Variants in CDK12 observed in about 807,000 individuals in gnomAD.
CDK12 encodes cyclin dependent kinase 12, also known as cyclin-dependent kinase 12.
CDK12 carries 17 observed loss-of-function variants against 133.8 expected under a neutral mutation model. The observed-to-expected ratio is 0.13, with a 90% CI of 0.09 to 0.19. CDK12 has a LOEUF of 0.19. CDK12 is among the 10% of genes least tolerant of loss of function. The pLI, the probability that CDK12 is intolerant of heterozygous loss-of-function variation, is 1.00. For missense variants in CDK12, 1,508 were observed against 1,818.7 expected, an observed-to-expected ratio of 0.83 and a Z score of 3.11; for synonymous variants, 694 against 683.6, an observed-to-expected ratio of 1.02 and a Z score of -0.24.
At chr17:39,521,472 G>A (rs1598158039) in intron 11 of CDK12, among the ~76,000 whole-genome samples, 2 of 151,144 alleles carry the variant, frequency 1.3e-5, no homozygotes, top group Middle Eastern at 3.3e-3. Flanking sequence ...CACGTTGGCC[G>A]GGCTGATCTT....
At chr17:39,497,694 C>G (rs2052236121) in intron 5 of CDK12, among the ~76,000 whole-genome samples, 1 of 152,048 alleles carries the variant, frequency 6.6e-6, no homozygotes, top group South Asian at 2.1e-4. Context: ...TCCTCAACCT[C>G]CAGGCTCAAG....
chr17:39,555,611 G>A (rs555533359), intron 2 of CDK12, among the ~76,000 whole-genome samples: 3 of 151,974 alleles, frequency 2.0e-5, no homozygotes, highest in Admixed American at 2.0e-4. Context: ...CCTGGCCCTG[G>A]GTATAGAAGT....
rs140413718 is a variant in CDK12, at chr17:39,461,532, GGA to G, written c.-534_-533del. 1 of 244,048 alleles carries G rather than the reference GGA, an allele frequency of 4.1e-6. No homozygotes were observed. The highest frequency in any genetic ancestry group is 2.2e-5 in the African/African-American group (1 of 45,418). The allele number at this position is 244,048 out of a possible 1,614,324, so 15.1% of individuals were successfully genotyped here. On this transcript the variant is annotated 5_prime_UTR_variant, in exon 1 of 14. Coordinates refer to ENST00000447079, the MANE Select transcript of CDK12 (RefSeq NM_016507.4). ...TAGTGTGTGACTGGGTCTGTGTGAG[GGA>G]GAGAGTGTGTGTGGTGTGGAGGTGA...
exon 1 of CDK12, chr17:39,550,216 G>C (rs1418600639): frequency 6.6e-6 from 1 of 152,204 alleles, no homozygotes; most frequent in Non-Finnish European, 1.5e-5. Context: ...ACAGGGGAGG[G>C]ATTGGGTAAG....
intron 1 of CDK12, 98 bp downstream of exon 1, chr17:39,463,215 C>T (rs937281650): frequency 9.7e-7 from 1 of 1,032,846 alleles, no homozygotes; most frequent in Non-Finnish European, 1.5e-6. Flanking sequence ...CAGTGTTCAT[C>T]ATTGACTAGA....
At chr17:39,492,627 T>G (rs915145824) in intron 3 of CDK12, 124 bp from the exon 4 acceptor site, 2 of 634,866 alleles carry the variant, frequency 3.2e-6, no homozygotes, top group African/African-American at 3.7e-5. Flanking sequence ...GCCAGGATAG[T>G]CTCGATCTCC....
In CDK12 at chr17:39,507,258, T is replaced by TC. The variant is rs2053193739; in HGVS notation, c.2610-2447_2610-2446insC. Among the ~76,000 whole-genome samples, 5 of 151,606 alleles carry TC rather than the reference T, an allele frequency of 3.3e-5. No homozygotes were observed. The South Asian group carries it at 6.3e-4, about 19-fold the overall frequency. On this transcript the variant is annotated intron_variant, in intron 6 of 13. Coordinates refer to ENST00000447079, the MANE Select transcript of CDK12 (RefSeq NM_016507.4). ...CACACTTCATACTGAGTCACCTTAA[T>TC]GGTTTAGTTGGAAGGAAAAGTGGGA...
chr17:39,518,794 A>T (rs966038305), intron 10 of CDK12, among the ~76,000 whole-genome samples: 2 of 148,480 alleles, frequency 1.3e-5, no homozygotes, highest in African/African-American at 5.0e-5. Context: ...CCTGACCTCA[A>T]GTGATCTGCC....
chr17:39,479,696 G>A (rs930363182), intron 2 of CDK12, among the ~76,000 whole-genome samples: 3 of 150,746 alleles, frequency 2.0e-5, no homozygotes, highest in East Asian at 3.9e-4. Flanking sequence ...GCATGATCTC[G>A]GCTCACTGTA....
rs2055011459 is a variant in CDK12, at chr17:39,533,959, G to C, written c.*2643G>C. The C allele has an allele frequency of 8.6e-6, 2 of 232,226 alleles. No individual in the cohort carries two copies. Among genetic ancestry groups the C allele is most frequent in the Non-Finnish European group, 1.7e-5 (2 of 117,428 alleles). 14.4% of individuals were successfully genotyped at this position (232,226 alleles called of 1,614,324 possible). The stretch of plus-strand genomic sequence containing the variant: ...CAGACCCAATTAATTCCATTCAAAA[G>C]TGGTTTTCGTTTTGTTTTAATTATT... On this transcript the variant is annotated 3_prime_UTR_variant, in exon 14 of 14. Coordinates refer to ENST00000447079, the MANE Select transcript of CDK12 (RefSeq NM_016507.4).
intron 9 of CDK12, among the ~76,000 whole-genome samples, chr17:39,516,333 G>A (rs1488350841): frequency 6.6e-6 from 1 of 151,948 alleles, no homozygotes; most frequent in African/African-American, 2.4e-5. Flanking sequence ...TAAAATTAAA[G>A]GGAAGAATAT....
At chr17:39,478,924 TATATCCATGTACCAGCTGCTCC>T (rs1355031510) in intron 2 of CDK12, among the ~76,000 whole-genome samples, 8 of 152,296 alleles carry the variant, frequency 5.3e-5, no homozygotes, top group Admixed American at 6.6e-5. Context: ...TGTGTGCTGC[TATATCCATGTACCAGCTGCTCC>T]ATATCCATGT....
chr17:39,498,764 A>G (rs1270830435), intron 5 of CDK12, among the ~76,000 whole-genome samples: 1 of 151,780 alleles, frequency 6.6e-6, no homozygotes, highest in Admixed American at 6.6e-5. Context: ...AGCTCAGGCA[A>G]TCCTCTCACC....
rs943538148 is a variant in CDK12, at chr17:39,534,476, A to C, written c.*3160A>C. On this transcript the variant is annotated 3_prime_UTR_variant, in exon 14 of 14. Coordinates refer to ENST00000447079, the MANE Select transcript of CDK12 (RefSeq NM_016507.4). ...TGTACAGATATTTTGTAATATATTA[A>C]ATTTTTTTCTTTCAGTTTATAAAAA... The C allele has an allele frequency of 8.6e-6, 2 of 232,404 alleles. No homozygotes were observed. The highest frequency in any genetic ancestry group is 1.8e-4 in the South Asian group (1 of 5,512). The allele number at this position is 232,404 out of a possible 1,614,324, so 14.4% of individuals were successfully genotyped here.
intron 13 of CDK12, chr17:39,530,137 A>G (rs141576284): frequency 3.8e-4 from 59 of 154,712 alleles, no homozygotes; most frequent in Admixed American, 1.3e-3. Flanking sequence ...GTCATCAAAC[A>G]TTCTGTAAAA....
chr17:39,523,560 T>C (rs907744214), intron 11 of CDK12, among the ~76,000 whole-genome samples: 55 of 152,342 alleles, frequency 3.6e-4, no homozygotes, highest in African/African-American at 1.2e-3. Flanking sequence ...TGGAGGTCAT[T>C]TTCTTAAGAA....
At chr17:39,528,042 A>G (rs2054598073) in intron 13 of CDK12, among the ~76,000 whole-genome samples, 1 of 150,492 alleles carries the variant, frequency 6.6e-6, no homozygotes, top group African/African-American at 2.4e-5. Context: ...CAGCCTCCCA[A>G]GTAGCTGGGA....
chr17:39,526,112 C>G lies in CDK12; in HGVS notation c.3556C>G (p.Pro1186Ala). 1.2e-6 allele frequency: 2 copies of G among 1,614,184 alleles called. No individual in the cohort carries two copies. Among genetic ancestry groups the G allele is most frequent in the Non-Finnish European group, 1.7e-6 (2 of 1,180,020 alleles). The change falls in exon 13 of 14, where the codon CCA (proline) becomes GCA (alanine). Residue 1186 changes from proline (P) to alanine (A), a missense_variant. Pro to Ala is a conservative substitution (Grantham distance 27). Around this residue, in one of 9 missense-constraint regions of CDK12, gnomAD observed 399 missense variants for 469.6 expected, o/e 0.85. Transcript: ENST00000447079. ...GTCTTTGAAGGAAGCACCCTCTGCCCCAGTGATCCTGCCTTCAGCAGAACA... is the reference window on the plus strand; with the variant it reads ...GTCTTTGAAGGAAGCACCCTCTGCCGCAGTGATCCTGCCTTCAGCAGAACA... Reference protein sequence around the residue: ...EESLKEAPSAPVILPSAEQTT... With the variant: ...EESLKEAPSAAVILPSAEQTT...
intron 8 of CDK12, among the ~76,000 whole-genome samples, chr17:39,511,846 T>C (rs967694107): frequency 2.6e-5 from 4 of 152,164 alleles, no homozygotes; most frequent in African/African-American, 7.2e-5. Flanking sequence ...GTTTAAACTT[T>C]GTTTGAATTG....
Sources: allele counts gnomAD v4.1 joint callset (sites outside exome capture counted in the v4.1 genomes callset), GRCh38; gene constraint gnomAD v4.1.1; regional missense constraint gnomAD v4.1.1; transcripts MANE v1.5; gene names NCBI Gene and HGNC (gene_info 2026-07-23, HGNC 2026-07-21).